The following CTNNA2 variants were observed in gnomAD, a reference collection of about 807,000 sequenced individuals.
CTNNA2 encodes catenin alpha 2.
A neutral mutation model predicts 101.0 loss-of-function variants in CTNNA2; 42 were observed. That is an observed-to-expected ratio of 0.42 (90% CI 0.32 to 0.54). The LOEUF is 0.54. Ranked by LOEUF, CTNNA2 falls within the 20% of genes least tolerant of loss-of-function variation. The probability of loss-of-function intolerance (pLI) is 0.14; values close to 1 mark genes in which losing one functional copy is unlikely to be tolerated. For missense variants in CTNNA2, 871 were observed against 1,223.1 expected (o/e 0.71, Z 4.29); for synonymous variants, 450 against 456.4 (o/e 0.99, Z 0.18).
At chr2:80,271,223 G>A (rs755087199) in intron 7 of CTNNA2, among the ~76,000 whole-genome samples, 4 of 152,200 alleles carry the variant, frequency 2.6e-5, no homozygotes, top group Non-Finnish European at 5.9e-5. Context: ...ATATAAGACT[G>A]AGAAATATAT....
At chr2:80,157,573 CTT>C (rs1003281826) in intron 7 of CTNNA2, among the ~76,000 whole-genome samples, 2 of 152,044 alleles carry the variant, frequency 1.3e-5, no homozygotes, top group African/African-American at 4.8e-5. Context: ...TCAAGTGGAA[CTT>C]GGGCAAATGA....
At chr2:80,340,831 C>A (rs1429855238) in intron 7 of CTNNA2, among the ~76,000 whole-genome samples, 1 of 152,148 alleles carries the variant, frequency 6.6e-6, no homozygotes, top group Non-Finnish European at 1.5e-5. Flanking sequence ...CACAATAATG[C>A]CCCCATGTCA....
At chr2:80,339,826 G>A (rs971939770) in intron 7 of CTNNA2, among the ~76,000 whole-genome samples, 60 of 152,198 alleles carry the variant, frequency 3.9e-4, no homozygotes, top group African/African-American at 1.4e-3. Context: ...TGAGCTAGGG[G>A]AGATTATTTG....
intron 1 of CTNNA2, among the ~76,000 whole-genome samples, chr2:79,521,346 G>A (rs1192273241): frequency 1.3e-5 from 2 of 151,920 alleles, no homozygotes; most frequent in East Asian, 1.9e-4. Flanking sequence ...CTCAGCCGGT[G>A]CTATGATCAC....
At chr2:80,230,656 C>G (rs1709157170) in intron 7 of CTNNA2, among the ~76,000 whole-genome samples, 1 of 152,134 alleles carries the variant, frequency 6.6e-6, no homozygotes, top group African/African-American at 2.4e-5. Context: ...GATGTTTTCA[C>G]TCTTCTCCTG....
At chr2:80,628,302 A>T (rs1207997548) in intron 18 of CTNNA2, among the ~76,000 whole-genome samples, 2 of 152,124 alleles carry the variant, frequency 1.3e-5, no homozygotes, top group Non-Finnish European at 2.9e-5. Context: ...GAGCCCACAT[A>T]GCCAAGACAA....
At chr2:79,350,891 A>T (rs1573108963) in intron 3 of CTNNA2, among the ~76,000 whole-genome samples, 1 of 152,152 alleles carries the variant, frequency 6.6e-6, no homozygotes, top group African/African-American at 2.4e-5. Context: ...ATGGTTAGCG[A>T]TGTGGGGCAT....
At chr2:80,019,213 C>A (rs752129279) in intron 7 of CTNNA2, among the ~76,000 whole-genome samples, 18 of 152,188 alleles carry the variant, frequency 1.2e-4, no homozygotes, top group Non-Finnish European at 2.6e-4. Context: ...GTCCTGGAAC[C>A]AATACCCCAT....
chr2:79,259,759 T>C (rs1674895875), intron 2 of CTNNA2, among the ~76,000 whole-genome samples: 1 of 152,074 alleles, frequency 6.6e-6, no homozygotes, highest in Non-Finnish European at 1.5e-5. Flanking sequence ...CAGTCAGGGC[T>C]TTGGTGGTGG....
intron 1 of CTNNA2, among the ~76,000 whole-genome samples, chr2:79,580,047 G>A (rs1676053887): frequency 6.6e-6 from 1 of 152,164 alleles, no homozygotes; most frequent in Non-Finnish European, 1.5e-5. Context: ...TTCAGGAAAT[G>A]CAAGTAGGGT....
Position 79,994,248 on chromosome 2 carries a change from A to T in CTNNA2, c.1056+84451A>T, listed in dbSNP as rs547918871. Among the ~76,000 whole-genome samples, 4 of 152,306 alleles carry T rather than the reference A, an allele frequency of 2.6e-5. No individual in the cohort carries two copies. The South Asian group carries it at 6.2e-4, about 24-fold the overall frequency. ...GTTTATTATGGTTTAAAAGCACCTCATGTTCCTTAAAACTTTGTCTTCTTG... is the reference window on the plus strand; with the variant it reads ...GTTTATTATGGTTTAAAAGCACCTCTTGTTCCTTAAAACTTTGTCTTCTTG... On this transcript the variant is annotated intron_variant, in intron 7 of 18. Transcript: ENST00000402739.
intron 7 of CTNNA2, among the ~76,000 whole-genome samples, chr2:80,234,512 C>A (rs1004411308): frequency 6.6e-6 from 1 of 152,136 alleles, no homozygotes; most frequent in African/African-American, 2.4e-5. Flanking sequence ...TTACTCATGA[C>A]CTCTCAAAGG....
intron 4 of CTNNA2, among the ~76,000 whole-genome samples, chr2:79,385,169 G>C (rs146604730): frequency 2.6e-5 from 4 of 152,164 alleles, no homozygotes; most frequent in Non-Finnish European, 4.4e-5. Context: ...GTAAAATTGA[G>C]TGTCTAGTGT....
chr2:79,433,624 GAAAAAAAAAAAA>G (rs200656588), intron 4 of CTNNA2, among the ~76,000 whole-genome samples: 1 of 95,696 alleles, frequency 1.0e-5, no homozygotes, highest in Non-Finnish European at 2.0e-5. Context: ...TGCCTTTGAG[GAAAAAAAAAAAA>G]AAAAAAAAAA....
At chr2:80,306,446 TTCTTTCTCTCTCTC>T (rs1677014354) in intron 7 of CTNNA2, among the ~76,000 whole-genome samples, 1 of 138,138 alleles carries the variant, frequency 7.2e-6, no homozygotes, top group South Asian at 2.3e-4. Flanking sequence ...CTTTCTTTCT[TTCTTTCTCTCTCTC>T]TCTTTCTTTC....
At chr2:80,561,359 C>A (rs1010443159) in intron 12 of CTNNA2, among the ~76,000 whole-genome samples, 1 of 152,092 alleles carries the variant, frequency 6.6e-6, no homozygotes, top group Non-Finnish European at 1.5e-5. Flanking sequence ...GTCTCAATGT[C>A]TTTTTTATAT....
intron 2 of CTNNA2, among the ~76,000 whole-genome samples, chr2:79,276,564 T>A (rs1489123530): frequency 6.6e-6 from 1 of 152,142 alleles, no homozygotes; most frequent in Non-Finnish European, 1.5e-5. Context: ...TCTTTTTGTC[T>A]GCATCTTATT....
chr2:79,530,661 C>G (rs1406596462), intron 1 of CTNNA2, among the ~76,000 whole-genome samples: 3 of 152,168 alleles, frequency 2.0e-5, no homozygotes, highest in Admixed American at 2.0e-4. Context: ...AGAAGTGGAT[C>G]TCACTTGATC....
chr2:80,112,515 A>G (rs890953574), intron 7 of CTNNA2, among the ~76,000 whole-genome samples: 3 of 152,184 alleles, frequency 2.0e-5, no homozygotes, highest in African/African-American at 4.8e-5. Context: ...TATCTTCATC[A>G]TCATAATTAT....
Sources: gnomAD v4.1 joint callset for allele counts (sites outside exome capture counted in the v4.1 genomes callset) on GRCh38, gnomAD v4.1.1 for gene constraint, MANE v1.5 for transcripts, NCBI Gene and HGNC (gene_info 2026-07-23, HGNC 2026-07-21) for gene names.